Variants in ZBTB20 observed in about 807,000 individuals in gnomAD.
The protein encoded by ZBTB20 is zinc finger and BTB domain containing 20, also known as zinc finger and BTB domain-containing protein 20.
Under a neutral mutation model 56.9 loss-of-function variants are expected in ZBTB20, and 9 were observed. That is an observed-to-expected ratio of 0.16 (90% CI 0.10 to 0.28). The LOEUF (loss-of-function observed/expected upper bound fraction) is 0.28. Ranked by LOEUF, ZBTB20 falls within the 10% of genes least tolerant of loss-of-function variation. ZBTB20 has a pLI of 1.00. For synonymous variants in ZBTB20, 417 were observed against 420.7 expected, an observed-to-expected ratio of 0.99 and a Z score of 0.11; for missense variants, 655 against 1,003.0, an observed-to-expected ratio of 0.65 and a Z score of 4.69.
intron 10 of ZBTB20, among the ~76,000 whole-genome samples, chr3:114,363,255 C>A (rs2082068295): frequency 6.6e-6 from 1 of 152,080 alleles, no homozygotes; most frequent in South Asian, 2.1e-4. Flanking sequence ...TTAGAATGAT[C>A]CCTTATTCAT....
At position 114,333,594 on chromosome 3, in the gene ZBTB20, A is replaced by C. The variant is rs2079344099; in HGVS notation, c.*5411T>G. The C allele has an allele frequency of 6.6e-6, 1 of 152,224 alleles. No homozygotes were observed. The highest frequency in any genetic ancestry group is 6.5e-5 in the Admixed American group (1 of 15,290). The allele number at this position is 152,224 out of a possible 1,614,324, so 9.4% of individuals were successfully genotyped here. A position where few individuals can be genotyped will look rare whatever the true frequency, so the allele number is the denominator to read the frequency against. On this transcript the variant is annotated 3_prime_UTR_variant, in exon 12 of 12. Transcript: ENST00000675478. ...CTTTTTCTATGGAATTAGGGAGCCT[A>C]TTGAAATTCTAGTGCACCCCTCCTT...
At chr3:115,083,494 C>G (rs535582386) in intron 1 of ZBTB20, among the ~76,000 whole-genome samples, 1 of 151,990 alleles carries the variant, frequency 6.6e-6, no homozygotes, top group South Asian at 2.1e-4. Context: ...ATTACAATAC[C>G]TATGTTTGTA....
At chr3:114,671,435 T>C (rs1023776125) in intron 6 of ZBTB20, among the ~76,000 whole-genome samples, 10 of 152,128 alleles carry the variant, frequency 6.6e-5, no homozygotes, top group African/African-American at 2.2e-4. Context: ...CTAGCCTAGG[T>C]ATAAAATAAT....
intron 6 of ZBTB20, among the ~76,000 whole-genome samples, chr3:114,614,724 T>C (rs182721527): frequency 1.4e-5 from 2 of 144,724 alleles, no homozygotes; most frequent in African/African-American, 2.4e-5. Flanking sequence ...TCCAATCTCA[T>C]AGTGGCCACT....
chr3:114,632,149 A>G (rs1251764631), intron 6 of ZBTB20, among the ~76,000 whole-genome samples: 3 of 152,180 alleles, frequency 2.0e-5, no homozygotes, highest in Non-Finnish European at 4.4e-5. Flanking sequence ...GAAGGGGTCT[A>G]CTTGTTACCT....
At chr3:114,995,077 T>C (rs1164362416) in intron 2 of ZBTB20, among the ~76,000 whole-genome samples, 1 of 151,860 alleles carries the variant, frequency 6.6e-6, no homozygotes, top group African/African-American at 2.4e-5. Flanking sequence ...GCGCATGTGC[T>C]GCATGAAATG....
At chr3:114,919,028 T>C (rs1490701033) in intron 3 of ZBTB20, among the ~76,000 whole-genome samples, 1 of 152,204 alleles carries the variant, frequency 6.6e-6, no homozygotes, top group African/African-American at 2.4e-5. Context: ...AGTTTGTTGA[T>C]ACTTGAGTTC....
At chr3:115,112,202 A>G (rs964895735) in intron 1 of ZBTB20, among the ~76,000 whole-genome samples, 1 of 151,598 alleles carries the variant, frequency 6.6e-6, no homozygotes, top group Non-Finnish European at 1.5e-5. Flanking sequence ...GTATTTATAC[A>G]TATTTATGGG....
intron 4 of ZBTB20, among the ~76,000 whole-genome samples, chr3:114,819,435 C>T (rs73228340): frequency 0.01 from 1,553 of 151,834 alleles, 11 homozygotes; most frequent in Non-Finnish European, 0.016. Flanking sequence ...CTAAAAGATA[C>T]ACAAACTTAT....
intron 3 of ZBTB20, among the ~76,000 whole-genome samples, chr3:114,934,330 C>T (rs921233947): frequency 1.2e-4 from 19 of 152,144 alleles, no homozygotes; most frequent in African/African-American, 4.6e-4. Flanking sequence ...GCCCACGATT[C>T]CTCAAATCTA....
intron 6 of ZBTB20, among the ~76,000 whole-genome samples, chr3:114,681,841 T>C (rs1165265778): frequency 1.3e-5 from 2 of 152,212 alleles, no homozygotes; most frequent in African/African-American, 4.8e-5. Flanking sequence ...GCTGTGCAGC[T>C]GAACTTGACA....
chr3:114,761,289 G>C (rs1180113059), intron 5 of ZBTB20, among the ~76,000 whole-genome samples: 1 of 152,098 alleles, frequency 6.6e-6, no homozygotes, highest in African/African-American at 2.4e-5. Flanking sequence ...TTCATTGAGT[G>C]CTGACTATAT....
At position 114,369,050 on chromosome 3, in the gene ZBTB20, T is replaced by C. The variant is rs9843643; in HGVS notation, c.199+11167A>G. On this transcript the variant is annotated intron_variant, in intron 10 of 11. Transcript: ENST00000675478. ...TTCCATTAGACACAGAGTTATCTTT[T>C]GTAGTTCAAACTTATATGCACCTTT... 3.3e-3 allele frequency among the ~76,000 whole-genome samples: 507 copies of C among 152,358 alleles called. 6 individuals are homozygous for C. The highest frequency in any genetic ancestry group is 0.012 in the African/African-American group (482 of 41,582).
At chr3:114,382,148 C>A (rs2084441528) in intron 8 of ZBTB20, among the ~76,000 whole-genome samples, 1 of 152,198 alleles carries the variant, frequency 6.6e-6, no homozygotes, top group Admixed American at 6.5e-5. Context: ...CCTTCCTCTG[C>A]CTTAAAGCCA....
rs1465170135 is a variant in ZBTB20 at position 114,335,735 on chromosome 3, G to T, written c.*3270C>A. 1.3e-5 allele frequency: 2 copies of T among 152,112 alleles called. No homozygotes were observed. Among genetic ancestry groups the T allele is most frequent in the Non-Finnish European group, 2.9e-5 (2 of 68,022 alleles). The allele number at this position is 152,112 out of a possible 1,614,324, so 9.4% of individuals were successfully genotyped here. Reference sequence around the variant, plus strand: ...GTCTACTGCTATGCAAACCTGGCTGGTCCATTTTGTCATGGACTACAATGA... The same window carrying T: ...GTCTACTGCTATGCAAACCTGGCTGTTCCATTTTGTCATGGACTACAATGA... On this transcript the variant is annotated 3_prime_UTR_variant, in exon 12 of 12. Coordinates refer to ENST00000675478, the MANE Select transcript of ZBTB20 (RefSeq NM_001348800.3).
chr3:114,952,836 C>T (rs774636865), intron 3 of ZBTB20, among the ~76,000 whole-genome samples: 1 of 151,984 alleles, frequency 6.6e-6, no homozygotes, highest in African/African-American at 2.4e-5. Context: ...TGCTCTAAAA[C>T]ATTTGCTGAA....
intron 2 of ZBTB20, among the ~76,000 whole-genome samples, chr3:114,992,376 A>C (rs2078853651): frequency 6.6e-6 from 1 of 152,158 alleles, no homozygotes; most frequent in East Asian, 1.9e-4. Flanking sequence ...AACTATTAAA[A>C]GTCAAGACAG....
Position 114,339,023 on chromosome 3 carries a change from C to A in ZBTB20, c.2208G>T (p.Met736Ile). The A allele has an allele frequency of 6.6e-7, 1 of 1,514,788 alleles. No individual in the cohort carries two copies. The highest frequency in any genetic ancestry group is 1.3e-5 in the South Asian group (1 of 74,932). 93.8% of individuals were successfully genotyped at this position (1,514,788 alleles called of 1,614,324 possible). ...QIEQFNDHMR[M>I]HVSDG ...ATACTACTTATCCGTCAGACACATGCATCCTCATGTGGTCGTTGAACTGCT... is the reference window on the plus strand; with the variant it reads ...ATACTACTTATCCGTCAGACACATGAATCCTCATGTGGTCGTTGAACTGCT... The change falls in exon 12 of 12, where the codon ATG becomes ATT. Residue 736 changes from methionine to isoleucine, a missense_variant. Coordinates refer to ENST00000675478, the MANE Select transcript of ZBTB20 (RefSeq NM_001348800.3). The surrounding 1 kb of genome is among the most constrained non-coding windows in gnomAD (Gnocchi z 4.2).
chr3:114,740,646 G>T (rs1226779396), intron 5 of ZBTB20, among the ~76,000 whole-genome samples: 5 of 152,106 alleles, frequency 3.3e-5, no homozygotes, highest in Admixed American at 3.3e-4. Context: ...TAAGCACCTT[G>T]AATTTAATGA....
Sources: gnomAD v4.1 joint callset for allele counts (sites outside exome capture counted in the v4.1 genomes callset) on GRCh38, gnomAD v4.1.1 for gene constraint, Gnocchi (gnomAD v3.1) non-coding constraint, MANE v1.5 for transcripts, NCBI Gene and HGNC (gene_info 2026-07-23, HGNC 2026-07-21) for gene names.